Variants in RPS6KC1 observed in about 807,000 individuals in gnomAD.
RPS6KC1 encodes the protein inactive ribosomal protein S6 kinase delta-1.
RPS6KC1 carries 54 observed loss-of-function variants against 103.8 expected under a neutral mutation model. The observed-to-expected ratio is 0.52, with a 90% CI of 0.42 to 0.65. The LOEUF (loss-of-function observed/expected upper bound fraction) is 0.65, where lower values mean the gene tolerates loss of function less well. RPS6KC1 is among the 30% of genes least tolerant of loss of function. RPS6KC1 has a pLI of 0.00. For missense variants in RPS6KC1, 1,151 were observed against 1,253.8 expected, an observed-to-expected ratio of 0.92 and a Z score of 1.24; for synonymous variants, 439 against 438.7, an observed-to-expected ratio of 1.00 and a Z score of -0.01.
chr1:213,104,378 G>T, intron 3 of RPS6KC1, 76 bp from the exon 4 acceptor site: 2 of 937,004 alleles, frequency 2.1e-6, no homozygotes, highest in Non-Finnish European at 1.7e-6. Flanking sequence ...GCTGCTTTCT[G>T]ATCTGTGGAC....
the RPS6KC1 span, among the ~76,000 whole-genome samples, chr1:213,655,693 C>A: frequency 1.3e-5 from 2 of 152,198 alleles, no homozygotes; most frequent in Admixed American, 6.5e-5. Flanking sequence ...TGGTGGAGAA[C>A]CCTCACTTTA....
intron 5 of RPS6KC1, among the ~76,000 whole-genome samples, chr1:213,122,202 A>G (rs775729888): frequency 3.9e-5 from 6 of 152,098 alleles, no homozygotes; most frequent in African/African-American, 9.7e-5. Flanking sequence ...GCTACATGCA[A>G]TAAGCTGATC....
the RPS6KC1 span, among the ~76,000 whole-genome samples, chr1:213,298,471 T>G: frequency 6.6e-6 from 1 of 152,184 alleles, no homozygotes; most frequent in African/African-American, 2.4e-5. Flanking sequence ...TAGTAGGAAC[T>G]TTCAACCTGG....
the RPS6KC1 span, among the ~76,000 whole-genome samples, chr1:213,409,693 G>A: frequency 6.6e-6 from 1 of 152,168 alleles, no homozygotes; most frequent in South Asian, 2.1e-4. Flanking sequence ...TTTCTGTTCG[G>A]TCTGCTCAAT....
At chr1:213,117,175 A>T in intron 4 of RPS6KC1, 142 bp from the exon 5 acceptor site, 2 of 494,342 alleles carry the variant, frequency 4.0e-6, no homozygotes, top group Non-Finnish European at 3.6e-6. Context: ...TTTTTTTTTG[A>T]AAACACTTGT....
the RPS6KC1 span, among the ~76,000 whole-genome samples, chr1:213,850,809 T>TTA: frequency 6.6e-6 from 1 of 151,846 alleles, no homozygotes; most frequent in South Asian, 2.1e-4. Context: ...TTTTTTTTTT[T>TTA]AATCTTGATA....
At chr1:213,414,103 C>T in the RPS6KC1 span, among the ~76,000 whole-genome samples, 2 of 152,226 alleles carry the variant, frequency 1.3e-5, no homozygotes, top group East Asian at 3.9e-4. Context: ...TTTGACAGGC[C>T]TGGAGGTGGG....
rs185137677 is a variant in RPS6KC1, at chr1:213,159,406, A to G, written c.836-8452A>G. On this transcript the variant is annotated intron_variant, in intron 6 of 14. Transcript: ENST00000366960. ...GTAAAGCATTGATGTGGGGTAAAGT[A>G]GCTGTGGAGTTTTATATTCAGATTG... Among the ~76,000 whole-genome samples the G allele has an allele frequency of 5.3e-4, 81 of 152,368 alleles. 1 individual carries two copies. In the East Asian group the frequency reaches 0.013, roughly 24 times the overall value.
chr1:213,251,578 A>T (rs958153464), intron 12 of RPS6KC1, among the ~76,000 whole-genome samples: 3 of 151,864 alleles, frequency 2.0e-5, no homozygotes, highest in African/African-American at 7.3e-5. Context: ...ACTGGCTTCC[A>T]CTCTCACCCT....
the RPS6KC1 span, among the ~76,000 whole-genome samples, chr1:213,375,286 CACAT>C: frequency 3.9e-4 from 59 of 151,988 alleles, no homozygotes; most frequent in African/African-American, 1.0e-3. Flanking sequence ...CATATATACA[CACAT>C]ACATACACAC....
chr1:213,816,490 C>T, the RPS6KC1 span, among the ~76,000 whole-genome samples: 7 of 152,156 alleles, frequency 4.6e-5, no homozygotes, highest in Non-Finnish European at 8.8e-5. Flanking sequence ...GGACTCCTGC[C>T]TCGCCACACT....
At chr1:213,185,490 A>T (rs559876864) in intron 8 of RPS6KC1, among the ~76,000 whole-genome samples, 1 of 152,158 alleles carries the variant, frequency 6.6e-6, no homozygotes, top group South Asian at 2.1e-4. Flanking sequence ...CTACTAAAAA[A>T]TACAAAACTT....
chr1:213,251,586 C>G (rs2094547745), intron 12 of RPS6KC1, among the ~76,000 whole-genome samples: 1 of 152,130 alleles, frequency 6.6e-6, no homozygotes, highest in Non-Finnish European at 1.5e-5. Flanking sequence ...CCACTCTCAC[C>G]CTCTAATCTT....
intron 1 of RPS6KC1, among the ~76,000 whole-genome samples, chr1:213,054,055 C>T (rs1034298730): frequency 6.6e-6 from 1 of 152,006 alleles, no homozygotes; most frequent in Admixed American, 6.6e-5. Context: ...AGTCTGGTCT[C>T]GAACTCCTGA....
the RPS6KC1 span, among the ~76,000 whole-genome samples, chr1:213,281,935 A>G: frequency 3.3e-5 from 5 of 152,154 alleles, no homozygotes; most frequent in South Asian, 4.1e-4. Context: ...GGAAATTACC[A>G]AGAGACTCTT....
At chr1:213,103,356 A>G (rs988167179) in intron 3 of RPS6KC1, among the ~76,000 whole-genome samples, 2 of 152,200 alleles carry the variant, frequency 1.3e-5, no homozygotes, top group African/African-American at 2.4e-5. Context: ...TCAAAGAACC[A>G]TGATATTCTA....
the RPS6KC1 span, among the ~76,000 whole-genome samples, chr1:213,625,753 A>G: frequency 2.6e-5 from 4 of 152,200 alleles, no homozygotes; most frequent in Non-Finnish European, 5.9e-5. Context: ...TACAAAGGAT[A>G]TGAACTCATC....
At position 213,195,846 on chromosome 1, in the gene RPS6KC1, G is replaced by GTGTGTGTGTA. The variant is rs553713944; in HGVS notation, c.1044+19355_1044+19356insGTGTGTGTAT. Among the ~76,000 whole-genome samples, 680 of 150,930 alleles carry GTGTGTGTGTA rather than the reference G, an allele frequency of 4.5e-3. 8 individuals carry two copies. The highest frequency in any genetic ancestry group is 0.015 in the African/African-American group (630 of 40,990). On this transcript the variant is annotated intron_variant, in intron 8 of 14. Transcript: ENST00000366960. ...GGTGTGTGTGTGTGTGTGTGTGTGT[G>GTGTGTGTGTA]TATATATATACCATATTTTCTTTAT...
chr1:213,094,095 CA>C (rs2081238903), intron 3 of RPS6KC1, among the ~76,000 whole-genome samples: 2 of 146,788 alleles, frequency 1.4e-5, no homozygotes, highest in South Asian at 2.2e-4. Flanking sequence ...TCCCCCCCCC[CA>C]CCAAGAGAAT....
Sources: gnomAD v4.1 joint callset for allele counts (sites outside exome capture counted in the v4.1 genomes callset) on GRCh38, gnomAD v4.1.1 for gene constraint, MANE v1.5 for transcripts, NCBI Gene and HGNC (gene_info 2026-07-23, HGNC 2026-07-21) for gene names.